Variants in SYT14 observed in about 807,000 individuals in gnomAD.
SYT14 encodes synaptotagmin-14.
A neutral mutation model predicts 74.2 loss-of-function variants in SYT14; 32 were observed. The ratio of observed to expected loss-of-function variants is 0.43; its 90% confidence interval spans 0.33 to 0.58. The LOEUF (loss-of-function observed/expected upper bound fraction) is 0.58. Ranked by LOEUF, SYT14 falls within the 20% of genes least tolerant of loss-of-function variation. The pLI is 0.05. For synonymous variants in SYT14, 298 were observed against 337.7 expected (o/e 0.88, Z 1.29); for missense variants, 791 against 981.8 (o/e 0.81, Z 2.60).
chr1:209,939,005 A>G (rs748933611), intron 1 of SYT14, among the ~76,000 whole-genome samples: 2 of 152,194 alleles, frequency 1.3e-5, no homozygotes, highest in African/African-American at 2.4e-5. Context: ...TAGTGCCACA[A>G]TGCTCATATT....
chr1:209,973,643 C>CT (rs1435241472), intron 2 of SYT14, among the ~76,000 whole-genome samples: 2 of 152,176 alleles, frequency 1.3e-5, no homozygotes, highest in African/African-American at 4.8e-5. Context: ...CAAGTCTTTG[C>CT]TATTGTGAAT....
intron 2 of SYT14, among the ~76,000 whole-genome samples, chr1:209,971,038 A>G (rs1355290433): frequency 6.6e-6 from 1 of 151,932 alleles, no homozygotes; most frequent in East Asian, 1.9e-4. Context: ...ATGTTTTTCC[A>G]TTTGTATCAT....
intron 5 of SYT14, among the ~76,000 whole-genome samples, chr1:210,037,773 A>G (rs1477179138): frequency 1.3e-5 from 2 of 151,886 alleles, no homozygotes; most frequent in Non-Finnish European, 1.5e-5. Context: ...TCGATTTCTA[A>G]TTTTATTCCA....
intron 5 of SYT14, among the ~76,000 whole-genome samples, chr1:210,077,706 C>A (rs1390194145): frequency 6.6e-6 from 1 of 152,124 alleles, no homozygotes; most frequent in Non-Finnish European, 1.5e-5. Context: ...TTTCTATCTG[C>A]AATTTATGAA....
At chr1:210,002,570 G>C (rs556589959) in intron 2 of SYT14, among the ~76,000 whole-genome samples, 1 of 150,928 alleles carries the variant, frequency 6.6e-6, no homozygotes, top group East Asian at 1.9e-4. Flanking sequence ...GATTTTTATC[G>C]TCTGAAAGAT....
At chr1:209,968,599 T>A (rs1373883374) in intron 2 of SYT14, among the ~76,000 whole-genome samples, 1 of 152,108 alleles carries the variant, frequency 6.6e-6, no homozygotes, top group African/African-American at 2.4e-5. Context: ...GTCTCCATAG[T>A]TTTTCTTTTC....
intron 7 of SYT14, among the ~76,000 whole-genome samples, chr1:210,114,434 A>T (rs370920398): frequency 6.6e-6 from 1 of 151,360 alleles, no homozygotes; most frequent in African/African-American, 2.5e-5. Flanking sequence ...GGCGAGGTTA[A>T]TCAAGTCCTG....
intron 2 of SYT14, among the ~76,000 whole-genome samples, chr1:209,994,706 A>G (rs1246273194): frequency 1.3e-5 from 2 of 152,198 alleles, no homozygotes; most frequent in Non-Finnish European, 2.9e-5. Context: ...ACCAAGGTCA[A>G]CATTAAAGAA....
At chr1:210,131,938 G>GCC (rs1438038537) in intron 7 of SYT14, among the ~76,000 whole-genome samples, 1 of 151,934 alleles carries the variant, frequency 6.6e-6, no homozygotes, top group Non-Finnish European at 1.5e-5. Context: ...AGGTTTTGAA[G>GCC]CCTCATACCA....
chr1:210,145,151 A>G (rs529073910), intron 7 of SYT14, among the ~76,000 whole-genome samples: 1 of 152,340 alleles, frequency 6.6e-6, no homozygotes, highest in Non-Finnish European at 1.5e-5. Context: ...ATTGATTATA[A>G]TAAAACATTT....
intron 2 of SYT14, among the ~76,000 whole-genome samples, chr1:209,959,011 A>G (rs548650048): frequency 2.2e-4 from 33 of 151,338 alleles, no homozygotes; most frequent in East Asian, 3.9e-4. Context: ...CAAAGTTCCT[A>G]AAAAAAAATA....
chr1:210,009,750 T>C (rs977260709), intron 2 of SYT14, among the ~76,000 whole-genome samples: 1 of 152,162 alleles, frequency 6.6e-6, no homozygotes, highest in Non-Finnish European at 1.5e-5. Flanking sequence ...TCTGTTGGCA[T>C]TTCCAGTGTA....
intron 5 of SYT14, among the ~76,000 whole-genome samples, chr1:210,068,400 C>T (rs1192867277): frequency 6.6e-6 from 1 of 151,616 alleles, no homozygotes; most frequent in African/African-American, 2.4e-5. Context: ...GTCTTAGGAT[C>T]AAGGTTTTAC....
At chr1:209,999,166 T>C (rs1008716521) in intron 2 of SYT14, among the ~76,000 whole-genome samples, 1 of 152,004 alleles carries the variant, frequency 6.6e-6, no homozygotes, top group African/African-American at 2.4e-5. Flanking sequence ...TTCATATCAC[T>C]GATCATCAGG....
At chr1:210,108,213 T>G (rs1187940192) in intron 7 of SYT14, among the ~76,000 whole-genome samples, 1 of 152,238 alleles carries the variant, frequency 6.6e-6, no homozygotes, top group Non-Finnish European at 1.5e-5. Flanking sequence ...ATGATTGTCT[T>G]GGGTGAGAAG....
intron 5 of SYT14, among the ~76,000 whole-genome samples, chr1:210,035,043 A>C (rs1315234498): frequency 6.6e-6 from 1 of 151,878 alleles, no homozygotes; most frequent in Admixed American, 6.6e-5. Context: ...TTGTTTCAGA[A>C]ATCTACATAC....
intron 2 of SYT14, among the ~76,000 whole-genome samples, chr1:209,974,804 A>T (rs994402208): frequency 6.6e-6 from 1 of 152,116 alleles, no homozygotes; most frequent in Non-Finnish European, 1.5e-5. Context: ...ACCTTGGGCA[A>T]TTTGGCCATT....
rs1184177458 is a variant in SYT14 at position 210,049,028 on chromosome 1, GGGGT to G, written c.1312+27779_1312+27782del. 3.9e-5 allele frequency among the ~76,000 whole-genome samples: 6 copies of G among 152,350 alleles called. No individual in the cohort carries two copies. In the East Asian group the frequency reaches 1.2e-3, roughly 29 times the overall value. The stretch of plus-strand genomic sequence containing the variant: ...TCGCATCTGGGTCATGCTGATGCAA[GGGGT>G]GGGTTCCTGTGGTTTTGGGCATCTC... On this transcript the variant is annotated intron_variant, in intron 5 of 9. Coordinates refer to ENST00000637265, the Ensembl canonical transcript of SYT14.
At chr1:210,049,870 G>A (rs1299277479) in intron 5 of SYT14, among the ~76,000 whole-genome samples, 1 of 152,168 alleles carries the variant, frequency 6.6e-6, no homozygotes, top group Non-Finnish European at 1.5e-5. Flanking sequence ...CTAGGCTGCA[G>A]ACAGCACAGA....
Sources: allele counts gnomAD v4.1 joint callset (sites outside exome capture counted in the v4.1 genomes callset), GRCh38; gene constraint gnomAD v4.1.1; transcripts MANE v1.5; gene names NCBI Gene and HGNC (gene_info 2026-07-23, HGNC 2026-07-21).